Variants in ZNF773 observed in about 807,000 individuals in gnomAD.
ZNF773 encodes zinc finger protein 419B.
A neutral mutation model predicts 12.8 loss-of-function variants in ZNF773; 11 were observed. The observed-to-expected ratio is 0.86, with a 90% CI of 0.54 to 1.42. The LOEUF (loss-of-function observed/expected upper bound fraction) is 1.42. Ranked by LOEUF, ZNF773 falls within the 40% of genes most tolerant of loss-of-function variation. ZNF773 has a pLI of 0.00. For missense variants in ZNF773, 518 were observed against 527.2 expected, an observed-to-expected ratio of 0.98 and a Z score of 0.17; for synonymous variants, 175 against 178.4, an observed-to-expected ratio of 0.98 and a Z score of 0.15.
chr19:57,502,153 G>A lies in ZNF773; in HGVS notation c.33+2040G>A, dbSNP rs1398926192. ...GACGGGGTTTCTCCATGTTGGTCAA[G>A]CAGGTCTCAAACTCCCAATCTCAGG... On this transcript the variant is annotated intron_variant, in intron 1 of 3. Coordinates refer to ENST00000282292, the MANE Select transcript of ZNF773 (RefSeq NM_198542.3). Among the ~76,000 whole-genome samples, 4 of 152,184 alleles carry A rather than the reference G, an allele frequency of 2.6e-5. No homozygotes were observed. In the East Asian group the frequency reaches 5.8e-4, roughly 22 times the overall value.
chr19:57,513,017 T>G, downstream of ZNF773: 1 of 1,561,296 alleles, frequency 6.4e-7, no homozygotes. Context: ...TCCTTCTTCA[T>G]TCAGTCCCGA....
At chr19:57,511,743 A>AC (rs1227547130), downstream of ZNF773, among the ~76,000 whole-genome samples, 3 of 140,146 alleles carry the variant, frequency 2.1e-5, no homozygotes, top group Non-Finnish European at 4.4e-5. Flanking sequence ...ACACATACAC[A>AC]CATACACACA....
At chr19:57,502,523 A>T (rs2089681667) in intron 1 of ZNF773, among the ~76,000 whole-genome samples, 1 of 152,160 alleles carries the variant, frequency 6.6e-6, no homozygotes, top group Admixed American at 6.5e-5. Context: ...CACAGGGATT[A>T]CGGCCCAATC....
At chr19:57,501,199 C>G (rs1316122379) in intron 1 of ZNF773, among the ~76,000 whole-genome samples, 1 of 152,016 alleles carries the variant, frequency 6.6e-6, no homozygotes. Context: ...AGGGAGGGCT[C>G]TCAGCAGGAT....
At chr19:57,502,382 G>GAT (rs1568578380) in intron 1 of ZNF773, among the ~76,000 whole-genome samples, 4 of 152,338 alleles carry the variant, frequency 2.6e-5, no homozygotes, top group Non-Finnish European at 4.4e-5. Flanking sequence ...TCTCCATTAT[G>GAT]ACTGGGGGAA....
chr19:57,517,077 AT>A (rs1236873230), downstream of ZNF773: 6 of 152,248 alleles, frequency 3.9e-5, no homozygotes, highest in African/African-American at 1.4e-4. Context: ...ACACTATCCA[AT>A]AATAGTAATA....
intron 1 of ZNF773, among the ~76,000 whole-genome samples, chr19:57,503,230 C>G (rs1043492052): frequency 6.6e-6 from 1 of 152,064 alleles, no homozygotes; most frequent in African/African-American, 2.4e-5. Flanking sequence ...GTGTATGGAC[C>G]AAATGGAGCA....
At position 57,507,806 on chromosome 19, in the gene ZNF773, C is replaced by G; in HGVS notation, c.*382C>G. 2 of 708,538 alleles carry G rather than the reference C, an allele frequency of 2.8e-6. No individual in the cohort carries two copies. Among genetic ancestry groups the G allele is most frequent in the Non-Finnish European group, 3.5e-6 (2 of 566,794 alleles). 43.9% of individuals were successfully genotyped at this position (708,538 alleles called of 1,614,324 possible). A position where few individuals can be genotyped will look rare whatever the true frequency, so the allele number is the denominator to read the frequency against. ...TGGTTAACACAATGAAACCACATCT[C>G]TACTAAAAATACAAAAATTTACTGG... On this transcript the variant is annotated 3_prime_UTR_variant, in exon 4 of 4. Coordinates refer to ENST00000282292, the MANE Select transcript of ZNF773 (RefSeq NM_198542.3).
Position 57,506,345 on chromosome 19 carries a change from T to G in ZNF773, c.263-13T>G, listed in dbSNP as rs1156278106. The G allele has an allele frequency of 6.3e-7, 1 of 1,596,122 alleles. No homozygotes were observed. Among genetic ancestry groups the G allele is most frequent in the Non-Finnish European group, 8.5e-7 (1 of 1,172,916 alleles). On this transcript the variant is annotated splice_polypyrimidine_tract_variant and intron_variant, in intron 3 of 3. Coordinates refer to ENST00000282292, the MANE Select transcript of ZNF773 (RefSeq NM_198542.3). ...AGACTACATTTACTTCATCAACATT[T>G]CTCTTCTTTCAGGTAGTTGGCAAGG...
chr19:57,506,806 C>A lies in ZNF773; in HGVS notation c.711C>A (p.His237Gln). 1.9e-6 allele frequency: 3 copies of A among 1,614,036 alleles called. No homozygotes were observed. The South Asian group carries it at 3.3e-5, about 18-fold the overall frequency. The part of the protein sequence containing the change: ...LFSHKSNLFI[H>Q]QIVHTGERPY... ...GCCATAAGTCCAACCTTTTTATACA[C>A]CAAATAGTTCACACTGGAGAAAGGC... is the stretch of plus-strand genomic sequence containing the variant. The change falls in exon 4 of 4, where the codon CAC becomes CAA. Residue 237 changes from histidine to glutamine, a missense_variant. His to Gln is a conservative substitution (Grantham distance 24). Coordinates refer to ENST00000282292, the MANE Select transcript of ZNF773 (RefSeq NM_198542.3).
chr19:57,509,753 G>C (rs1395422822), downstream of ZNF773, among the ~76,000 whole-genome samples: 2 of 152,148 alleles, frequency 1.3e-5, no homozygotes, highest in African/African-American at 4.8e-5. Flanking sequence ...TCTGTTTCTT[G>C]CTTATTTTGA....
At chr19:57,510,071 C>G (rs2089782978), downstream of ZNF773, among the ~76,000 whole-genome samples, 7 of 152,162 alleles carry the variant, frequency 4.6e-5, no homozygotes, top group Admixed American at 4.6e-4. Flanking sequence ...TCAAATCACC[C>G]CGCTGGGTCT....
At chr19:57,513,292 A>C, downstream of ZNF773, 1 of 374,656 alleles carries the variant, frequency 2.7e-6, no homozygotes, top group Admixed American at 4.7e-5. Context: ...GTTAGTTCTC[A>C]AACACTAGCT....
In ZNF773 at chr19:57,507,251, C is replaced by T. The variant is rs776812902; in HGVS notation, c.1156C>T (p.Pro386Ser). ...TCGAAAAGTTCACACTGGAGAAAAA[C>T]CTTTTAAGTGCAATGAATGTGGGAG... ...QHRKVHTGEK[P>S]FKCNECGRFF... Residue 386 changes from proline (P) to serine (S), a missense_variant, in exon 4 of 4, where the codon CCT (proline) becomes TCT (serine). Coordinates refer to ENST00000282292, the MANE Select transcript of ZNF773 (RefSeq NM_198542.3). 1 of 1,611,134 alleles carries T rather than the reference C, an allele frequency of 6.2e-7. No homozygotes were observed. The highest frequency in any genetic ancestry group is 2.2e-5 in the East Asian group (1 of 44,728).
chr19:57,505,101 G>T, intron 2 of ZNF773: 2 of 715,762 alleles, frequency 2.8e-6, no homozygotes, highest in Non-Finnish European at 5.1e-6. Flanking sequence ...CCTACATTCT[G>T]CCTGTCTCCT....
chr19:57,507,770 C>A lies in ZNF773; in HGVS notation c.*346C>A. The A allele has an allele frequency of 2.1e-6, 2 of 952,846 alleles. No individual in the cohort carries two copies. Among genetic ancestry groups the A allele is most frequent in the Non-Finnish European group, 2.6e-6 (2 of 775,528 alleles). 59.0% of individuals were successfully genotyped at this position (952,846 alleles called of 1,614,324 possible). ...CGGGCGGATCACAAGGTCAGGACAT[C>A]GAAACCATCCTGGTTAACACAATGA... On this transcript the variant is annotated 3_prime_UTR_variant, in exon 4 of 4. Coordinates refer to ENST00000282292, the MANE Select transcript of ZNF773 (RefSeq NM_198542.3).
chr19:57,501,365 G>A (rs1266276322), intron 1 of ZNF773, among the ~76,000 whole-genome samples: 1 of 150,800 alleles, frequency 6.6e-6, no homozygotes, highest in Non-Finnish European at 1.5e-5. Context: ...ACAGGCTTGA[G>A]CCACTGCACC....
downstream of ZNF773, among the ~76,000 whole-genome samples, chr19:57,510,494 T>G (rs550181231): frequency 6.6e-6 from 1 of 152,298 alleles, no homozygotes; most frequent in East Asian, 1.9e-4. Flanking sequence ...CATAAATATG[T>G]CAACATTTAT....
At position 57,505,514 on chromosome 19, in the gene ZNF773, G is replaced by A. The variant is rs574767943; in HGVS notation, c.262+114G>A. 26 of 1,203,934 alleles carry A rather than the reference G, an allele frequency of 2.2e-5. No individual in the cohort carries two copies. In the African/African-American group the frequency reaches 3.6e-4, roughly 17 times the overall value. The allele number at this position is 1,203,934 out of a possible 1,614,324, so 74.6% of individuals were successfully genotyped here. On this transcript the variant is annotated intron_variant, in intron 3 of 3. Coordinates refer to ENST00000282292, the MANE Select transcript of ZNF773 (RefSeq NM_198542.3). ...GATACCAAGGCAAGGTGTCGTCGCT[G>A]ATTTCTATCTTTTCTTCCTCAGTCA...
Sources: gnomAD v4.1 joint callset for allele counts (sites outside exome capture counted in the v4.1 genomes callset) on GRCh38, gnomAD v4.1.1 for gene constraint, MANE v1.5 for transcripts, NCBI Gene and HGNC (gene_info 2026-07-23, HGNC 2026-07-21) for gene names.